PODN: variants seen among roughly 807,000 people sequenced by gnomAD.
PODN encodes podocan.
PODN carries 40 observed loss-of-function variants against 52.7 expected under a neutral mutation model. The observed-to-expected ratio is 0.76, with a 90% CI of 0.59 to 0.99. The LOEUF (loss-of-function observed/expected upper bound fraction) is 0.99. Among genes scored for constraint, PODN ranks in the 50% least tolerant of loss-of-function variants. The pLI, the probability that PODN is intolerant of heterozygous loss-of-function variation, is 0.00. For missense variants in PODN, 720 were observed against 815.1 expected (o/e 0.88, Z 1.42); for synonymous variants, 396 against 377.9 (o/e 1.05, Z -0.56).
intron 2 of PODN, 170 bp from the exon 3 acceptor site, chr1:53,071,363 GCA>G: frequency 1.6e-6 from 1 of 614,530 alleles, no homozygotes; most frequent in Non-Finnish European, 2.9e-6. Context: ...GAGCCCATAT[GCA>G]GACCTGGCCC....
chr1:53,062,320 T>A lies in PODN; in HGVS notation c.-56+12T>A. 8.0e-7 allele frequency: 1 copy of A among 1,246,178 alleles called. No homozygotes were observed. The highest frequency in any genetic ancestry group is 1.0e-6 in the Non-Finnish European group (1 of 988,242). The allele number at this position is 1,246,178 out of a possible 1,614,324, so 77.2% of individuals were successfully genotyped here. ...CCGGGGCGCAGCAGGTACAGGGCGC[T>A]GGCAGCCGGGGTGGGCCGAGGGGCC... On this transcript the variant is annotated intron_variant, in intron 1 of 10. Transcript: ENST00000312553.
intron 3 of PODN, among the ~76,000 whole-genome samples, chr1:53,074,195 G>A (rs1480992982): frequency 1.3e-5 from 2 of 152,210 alleles, no homozygotes; most frequent in African/African-American, 4.8e-5. Flanking sequence ...TGGTGAGGAG[G>A]CCCAGAGCCG....
chr1:53,082,228 T>A (rs1644306894), intron 10 of PODN, 40 bp downstream of exon 10: 1 of 1,441,354 alleles, frequency 6.9e-7, no homozygotes, highest in African/African-American at 1.4e-5. Context: ...TTCTGCTCCC[T>A]GCATTTTCCC....
chr1:53,074,336 G>A (rs971443303), intron 3 of PODN, among the ~76,000 whole-genome samples: 3 of 152,232 alleles, frequency 2.0e-5, no homozygotes, highest in African/African-American at 7.2e-5. Context: ...ATGCTCTGCT[G>A]CTGGCCTGAC....
At position 53,065,480 on chromosome 1, in the gene PODN, C is replaced by G. The variant is rs370622356; in HGVS notation, c.-56+3172C>G. Among the ~76,000 whole-genome samples the G allele has an allele frequency of 3.7e-4, 56 of 151,026 alleles. No homozygotes were observed. In the South Asian group the frequency reaches 3.7e-3, roughly 10 times the overall value. ...GCCTCACAGCCCTGAGAGTGGCTGG[C>G]GAAGCTGGAGGGACCACTCTCCAAG... On this transcript the variant is annotated intron_variant, in intron 1 of 10. Coordinates refer to ENST00000312553, the MANE Select transcript of PODN (RefSeq NM_153703.5).
chr1:53,067,851 G>A (rs1190277240), intron 1 of PODN, among the ~76,000 whole-genome samples: 1 of 150,108 alleles, frequency 6.7e-6, no homozygotes, highest in East Asian at 2.0e-4. Flanking sequence ...CGGAGCTCAA[G>A]GTTACAGTGA....
chr1:53,063,986 T>C (rs1449354216), intron 1 of PODN, among the ~76,000 whole-genome samples: 1 of 152,170 alleles, frequency 6.6e-6, no homozygotes, highest in African/African-American at 2.4e-5. Flanking sequence ...TACCTCTGCC[T>C]GGAGGGCTGT....
intron 1 of PODN, among the ~76,000 whole-genome samples, chr1:53,069,162 G>C (rs569488083): frequency 8.1e-4 from 124 of 152,310 alleles, no homozygotes; most frequent in African/African-American, 2.8e-3. Context: ...GGGGAGCCCT[G>C]GGGCATCTCA....
chr1:53,070,512 C>T (rs1334769960), intron 2 of PODN, among the ~76,000 whole-genome samples: 7 of 152,258 alleles, frequency 4.6e-5, no homozygotes, highest in Non-Finnish European at 8.8e-5. Context: ...GCCACCATTA[C>T]ACGGTCAGGA....
chr1:53,069,706 G>A (rs1644082828), intron 1 of PODN, 95 bp from the exon 2 acceptor site: 2 of 1,465,060 alleles, frequency 1.4e-6, no homozygotes, highest in South Asian at 1.4e-5. Context: ...CATCGGCTGG[G>A]CTCTGAGGAC....
intron 1 of PODN, chr1:53,063,354 A>C (rs1022892408): frequency 1.0e-6 from 1 of 985,690 alleles, no homozygotes; most frequent in Admixed American, 6.1e-5. Flanking sequence ...CTGCCCTTCG[A>C]TTACCGGCTG....
At chr1:53,080,613 C>A (rs926548105) in intron 8 of PODN, 115 bp from the exon 9 acceptor site, 6 of 1,151,430 alleles carry the variant, frequency 5.2e-6, no homozygotes, top group Non-Finnish European at 6.1e-6. Flanking sequence ...ACCCCCCCTC[C>A]TCCACACAGG....
chr1:53,075,231 A>G (rs1218807963), intron 4 of PODN, among the ~76,000 whole-genome samples: 1 of 152,154 alleles, frequency 6.6e-6, no homozygotes, highest in Non-Finnish European at 1.5e-5. Flanking sequence ...TTGAGACTCA[A>G]AGGTCTGCCT....
In PODN at chr1:53,069,826, G is replaced by A. The variant is rs771390891; in HGVS notation, c.-30G>A. The stretch of plus-strand genomic sequence containing the variant: ...GTTCCGTCAGCCCTGGCGCCCAGGC[G>A]CATCTGACTCGGCACCCCCTGCAGG... On this transcript the variant is annotated 5_prime_UTR_variant, in exon 2 of 11. Transcript: ENST00000312553. 36 of 1,581,828 alleles carry A rather than the reference G, an allele frequency of 2.3e-5. No individual in the cohort carries two copies. The highest frequency in any genetic ancestry group is 9.4e-5 in the African/African-American group (7 of 74,180).
chr1:53,082,169 G>T lies in PODN; in HGVS notation c.*8G>T. The T allele has an allele frequency of 1.3e-6, 2 of 1,594,512 alleles. No homozygotes were observed. Among genetic ancestry groups the T allele is most frequent in the South Asian group, 1.1e-5 (1 of 87,412 alleles). ...GAAGAGGAAACAAGATAGTGACAAG[G>T]TGATGCAGATGTGACCTAGGTATGT... is the stretch of plus-strand genomic sequence containing the variant. On this transcript the variant is annotated 3_prime_UTR_variant, in exon 10 of 11. Transcript: ENST00000312553.
chr1:53,083,812 G>C (rs1644326719), intron 10 of PODN, among the ~76,000 whole-genome samples: 1 of 152,108 alleles, frequency 6.6e-6, no homozygotes, highest in Non-Finnish European at 1.5e-5. Context: ...ACATTGGAGA[G>C]GAGCCAGGAG....
intron 1 of PODN, among the ~76,000 whole-genome samples, chr1:53,068,777 C>T (rs1644069228): frequency 6.6e-6 from 1 of 152,158 alleles, no homozygotes; most frequent in South Asian, 2.1e-4. Flanking sequence ...CAGGAACCCA[C>T]CAAGAGCCAA....
At chr1:53,073,830 A>C (rs1437099923) in intron 3 of PODN, 2 of 152,256 alleles carry the variant, frequency 1.3e-5, no homozygotes, top group African/African-American at 4.8e-5. Flanking sequence ...AGTTTTAGTC[A>C]GCGGTGCAGC....
chr1:53,062,655 G>A (rs897495072), intron 1 of PODN, among the ~76,000 whole-genome samples: 19 of 152,222 alleles, frequency 1.2e-4, no homozygotes, highest in Non-Finnish European at 2.6e-4. Context: ...GGAATGTGGG[G>A]GGCAGGTGGA....
Sources: gnomAD v4.1 joint callset for allele counts (sites outside exome capture counted in the v4.1 genomes callset) on GRCh38, gnomAD v4.1.1 for gene constraint, MANE v1.5 for transcripts, NCBI Gene and HGNC (gene_info 2026-07-23, HGNC 2026-07-21) for gene names.